CDK5RAP2: variants seen among roughly 807,000 people sequenced by gnomAD.
The protein encoded by CDK5RAP2 is CDK5 regulatory subunit associated protein 2.
In CDK5RAP2, 147 loss-of-function variants were observed where a neutral mutation model predicts 232.9. That is an observed-to-expected ratio of 0.63 (90% confidence interval 0.55 to 0.72). CDK5RAP2 has a LOEUF of 0.72. Ranked by LOEUF, CDK5RAP2 falls within the 30% of genes least tolerant of loss-of-function variation. The probability of loss-of-function intolerance (pLI) is 0.00; values close to 1 mark genes in which losing one functional copy is unlikely to be tolerated. For synonymous variants in CDK5RAP2, 833 were observed against 833.7 expected (o/e 1.00, Z 0.01); for missense variants, 2,195 against 2,231.5 (o/e 0.98, Z 0.33).
chr9:120,405,071 G>A (rs2033340837), intron 32 of CDK5RAP2, among the ~76,000 whole-genome samples: 1 of 152,156 alleles, frequency 6.6e-6, no homozygotes, highest in African/African-American at 2.4e-5. Context: ...CTGCACCACT[G>A]GGCGGTGGGC....
In CDK5RAP2 at chr9:120,510,090, G is replaced by A. The variant is rs72755713; in HGVS notation, c.1311+8337C>T. ...TAGAGACACTGTCTCCAAATGCCAT[G>A]TTTTGATTCTGATTTACCAAGAGAT... On this transcript the variant is annotated intron_variant, in intron 12 of 37. Transcript: ENST00000349780. Among the ~76,000 whole-genome samples, 850 of 152,206 alleles carry A rather than the reference G, an allele frequency of 5.6e-3. 6 individuals carry two copies. Among genetic ancestry groups the A allele is most frequent in the Non-Finnish European group, 9.6e-3 (653 of 68,006 alleles).
chr9:120,471,547 G>A (rs1410577359), intron 16 of CDK5RAP2, among the ~76,000 whole-genome samples: 1 of 152,178 alleles, frequency 6.6e-6, no homozygotes, highest in Non-Finnish European at 1.5e-5. Context: ...TCCTGCACCT[G>A]ACCTTCTGCA....
chr9:120,505,933 A>T (rs1172826370), intron 12 of CDK5RAP2, among the ~76,000 whole-genome samples: 2 of 152,246 alleles, frequency 1.3e-5, no homozygotes, highest in Non-Finnish European at 2.9e-5. Context: ...ACAAGTGCTG[A>T]TGTAGAAGCT....
chr9:120,564,975 T>A (rs966980577), intron 3 of CDK5RAP2, among the ~76,000 whole-genome samples: 5 of 152,168 alleles, frequency 3.3e-5, no homozygotes, highest in South Asian at 4.1e-4. Flanking sequence ...AGCAACTGAT[T>A]TACCGACTTC....
At chr9:120,523,520 A>T (rs2040763098) in intron 11 of CDK5RAP2, among the ~76,000 whole-genome samples, 1 of 152,232 alleles carries the variant, frequency 6.6e-6, no homozygotes. Context: ...TTCCAAAAGC[A>T]AAGATTTGTC....
chr9:120,453,580 G>A lies in CDK5RAP2; in HGVS notation c.2669C>T (p.Thr890Ile), dbSNP rs1230337732. The A allele has an allele frequency of 2.5e-6, 4 of 1,613,986 alleles. No individual in the cohort carries two copies. The highest frequency in any genetic ancestry group is 2.2e-5 in the South Asian group (2 of 91,088). The change falls in exon 21 of 38, where the codon ACA becomes ATA. Residue 890 changes from threonine to isoleucine, a missense_variant. Physicochemically the swap from Thr to Ile is moderately conservative, Grantham distance 89. Coordinates refer to ENST00000349780, the MANE Select transcript of CDK5RAP2 (RefSeq NM_018249.6). ...CGGTTTCTCTTCCCAAGCCTCTCTTGTTGCTTCATGCTTGAATCTCAGCAG... is the reference window on the plus strand; with the variant it reads ...CGGTTTCTCTTCCCAAGCCTCTCTTATTGCTTCATGCTTGAATCTCAGCAG... ...GDLLRFKHEA[T>I]REAWEEKPIN...
chr9:120,401,120 T>C (rs1254033852), intron 34 of CDK5RAP2: 3 of 533,722 alleles, frequency 5.6e-6, no homozygotes, highest in Non-Finnish European at 1.0e-5. Context: ...ATAACCACCA[T>C]GGTTAATAAC....
chr9:120,523,386 C>T (rs2040758076), intron 11 of CDK5RAP2, among the ~76,000 whole-genome samples: 1 of 152,120 alleles, frequency 6.6e-6, no homozygotes, highest in African/African-American at 2.4e-5. Flanking sequence ...CATAATTTTC[C>T]TAAGAATTCA....
intron 35 of CDK5RAP2, among the ~76,000 whole-genome samples, chr9:120,397,544 T>TAAAAAA (rs760469422): frequency 5.7e-4 from 28 of 49,182 alleles, no homozygotes; most frequent in East Asian, 1.1e-3. Context: ...AAAACATTCT[T>TAAAAAA]AAAAAAAAAA....
chr9:120,564,121 C>G (rs747336154), intron 3 of CDK5RAP2, among the ~76,000 whole-genome samples: 5 of 152,164 alleles, frequency 3.3e-5, no homozygotes, highest in Non-Finnish European at 5.9e-5. Context: ...GTAAGTTATG[C>G]TTAATATCTC....
intron 23 of CDK5RAP2, among the ~76,000 whole-genome samples, chr9:120,442,307 G>T (rs2035944610): frequency 6.6e-6 from 1 of 152,164 alleles, no homozygotes; most frequent in Non-Finnish European, 1.5e-5. Flanking sequence ...CCAATCTCCT[G>T]TACCGCGGTG....
chr9:120,496,989 G>C (rs2039314726), intron 12 of CDK5RAP2, among the ~76,000 whole-genome samples: 1 of 138,088 alleles, frequency 7.2e-6, no homozygotes, highest in Non-Finnish European at 1.5e-5. Context: ...GTGGGGAAAA[G>C]ATTGAGAAAT....
intron 1 of CDK5RAP2, among the ~76,000 whole-genome samples, chr9:120,575,354 T>C (rs1465277533): frequency 6.6e-6 from 1 of 152,090 alleles, no homozygotes; most frequent in Non-Finnish European, 1.5e-5. Flanking sequence ...CGCCCAGCTG[T>C]AGCAACTGTT....
intron 27 of CDK5RAP2, among the ~76,000 whole-genome samples, chr9:120,417,691 T>G (rs2034315482): frequency 6.6e-6 from 1 of 152,156 alleles, no homozygotes; most frequent in South Asian, 2.1e-4. Flanking sequence ...GGAAACACTA[T>G]ACTAGCCTTT....
rs895510292 is a variant in CDK5RAP2, at chr9:120,579,828, C to G, written c.59+92G>C. The stretch of plus-strand genomic sequence containing the variant: ...CACACACTGCCCCTGGCCAGACACC[C>G]TCAAGAGCAAACCCCAAGGCCGCGT... On this transcript the variant is annotated intron_variant, in intron 1 of 37. Coordinates refer to ENST00000349780, the MANE Select transcript of CDK5RAP2 (RefSeq NM_018249.6). The G allele has an allele frequency of 8.8e-5, 94 of 1,069,000 alleles. No individual in the cohort carries two copies. In the Middle Eastern group the frequency reaches 1.2e-3, roughly 14 times the overall value. 66.2% of individuals were successfully genotyped at this position (1,069,000 alleles called of 1,614,324 possible). A position where few individuals can be genotyped will look rare whatever the true frequency, so the allele number is the denominator to read the frequency against.
chr9:120,481,703 G>A (rs1410507568), intron 14 of CDK5RAP2, among the ~76,000 whole-genome samples: 1 of 152,008 alleles, frequency 6.6e-6, no homozygotes, highest in African/African-American at 2.4e-5. Flanking sequence ...AGTAGAGACG[G>A]GGTTTCACCG....
At chr9:120,443,891 C>T (rs917798704) in intron 22 of CDK5RAP2, 149 bp from the exon 23 acceptor site, 146 of 995,072 alleles carry the variant, frequency 1.5e-4, no homozygotes, top group Middle Eastern at 9.2e-4. Flanking sequence ...ATTAATCTAT[C>T]GAGCTGCCAT....
At chr9:120,507,327 T>C (rs1435931800) in intron 12 of CDK5RAP2, among the ~76,000 whole-genome samples, 2 of 152,220 alleles carry the variant, frequency 1.3e-5, no homozygotes, top group African/African-American at 4.8e-5. Context: ...CGTCTGTACC[T>C]TAATTATACC....
intron 3 of CDK5RAP2, among the ~76,000 whole-genome samples, chr9:120,555,242 T>G (rs1247872298): frequency 2.0e-5 from 3 of 151,940 alleles, no homozygotes; most frequent in Non-Finnish European, 4.4e-5. Context: ...AGTGATTCTC[T>G]TGCTTCAGCC....
Sources: allele counts gnomAD v4.1 joint callset (sites outside exome capture counted in the v4.1 genomes callset), GRCh38; gene constraint gnomAD v4.1.1; transcripts MANE v1.5; gene names NCBI Gene and HGNC (gene_info 2026-07-23, HGNC 2026-07-21).